Variants in TTLL9 observed in about 807,000 individuals in gnomAD.
The protein encoded by TTLL9 is probable tubulin polyglutamylase TTLL9.
Under a neutral mutation model 65.6 loss-of-function variants are expected in TTLL9, and 47 were observed. The observed-to-expected ratio is 0.72, with a 90% CI of 0.57 to 0.91. The LOEUF (loss-of-function observed/expected upper bound fraction) is 0.91. Among genes scored for constraint, TTLL9 ranks in the 40% least tolerant of loss-of-function variants. The probability of loss-of-function intolerance (pLI) is 0.00; values close to 1 mark genes in which losing one functional copy is unlikely to be tolerated. For missense variants in TTLL9, 537 were observed against 568.8 expected, an observed-to-expected ratio of 0.94 and a Z score of 0.57; for synonymous variants, 179 against 204.8, an observed-to-expected ratio of 0.87 and a Z score of 1.07.
intron 2 of TTLL9, chr20:31,884,079 T>C (rs1405763206): frequency 5.4e-6 from 3 of 552,924 alleles, no homozygotes; most frequent in Non-Finnish European, 9.9e-6. Context: ...GAACTAATCA[T>C]TCAGCAAGGG....
intron 4 of TTLL9, among the ~76,000 whole-genome samples, chr20:31,907,755 T>G (rs752109631): frequency 6.6e-6 from 1 of 150,616 alleles, no homozygotes; most frequent in African/African-American, 2.4e-5. Flanking sequence ...TGCATAGAAA[T>G]GATAACACAC....
intron 4 of TTLL9, among the ~76,000 whole-genome samples, chr20:31,902,444 G>A (rs916538707): frequency 2.0e-5 from 3 of 151,992 alleles, no homozygotes; most frequent in Non-Finnish European, 4.4e-5. Flanking sequence ...CCAGTGGCTC[G>A]ATCTCGGCTC....
chr20:31,933,719 C>T, intron 10 of TTLL9, 81 bp from the exon 11 acceptor site: 2 of 1,337,772 alleles, frequency 1.5e-6, no homozygotes, highest in Admixed American at 2.0e-5. Flanking sequence ...CCCATCAATT[C>T]TCAGTTCAGT....
At chr20:31,889,998 CTTTCTTT>C (rs1254177812) in intron 3 of TTLL9, among the ~76,000 whole-genome samples, 1 of 137,702 alleles carries the variant, frequency 7.3e-6, no homozygotes, top group Admixed American at 7.2e-5. Flanking sequence ...TTCTTTCTTT[CTTTCTTT>C]CTTTCTTTCT....
At chr20:31,880,359 G>T (rs1358013368) in intron 2 of TTLL9, among the ~76,000 whole-genome samples, 1 of 152,128 alleles carries the variant, frequency 6.6e-6, no homozygotes, top group Non-Finnish European at 1.5e-5. Flanking sequence ...TGCCGGCCAA[G>T]GGACACAGGT....
chr20:31,871,008 C>A, intron 1 of TTLL9, 59 bp downstream of exon 1: 1 of 979,062 alleles, frequency 1.0e-6, no homozygotes, highest in Non-Finnish European at 1.6e-6. Flanking sequence ...TACCAACCAG[C>A]CTTCCTCCTT....
chr20:31,937,607 C>T (rs890618327), intron 13 of TTLL9, 98 bp downstream of exon 13: 33 of 925,422 alleles, frequency 3.6e-5, no homozygotes, highest in South Asian at 6.4e-5. Flanking sequence ...CCTGAGTGGC[C>T]CTCAGCGATG....
rs377173832 is a variant in TTLL9 at position 31,908,669 on chromosome 20, T to A, written c.285T>A (p.His95Gln). 2 of 1,613,390 alleles carry A rather than the reference T, an allele frequency of 1.2e-6. No individual in the cohort carries two copies. The highest frequency in any genetic ancestry group is 2.7e-5 in the African/African-American group (2 of 74,860). The change falls in exon 5 of 15, where the codon CAT (histidine) becomes CAA (glutamine). Residue 95 changes from histidine to glutamine, a missense_variant. By Grantham distance (24) the His-to-Gln change is conservative. This residue lies in a region of TTLL9 where 320 missense variants were observed against 311.0 expected (regional missense o/e 1.03). Coordinates refer to ENST00000535842, the MANE Select transcript of TTLL9 (RefSeq NM_001008409.5). The stretch of plus-strand genomic sequence containing the variant: ...TCGACCACACCTACATGGATGAACA[T>A]GTGCGGATCAGTCACTTCCGGAACC... ...ENFDHTYMDE[H>Q]VRISHFRNHY...
intron 11 of TTLL9, chr20:31,934,253 G>A: frequency 2.0e-6 from 1 of 499,952 alleles, no homozygotes; most frequent in South Asian, 1.5e-5. Context: ...CAGAGTCAAG[G>A]GCCAGATCAA....
At chr20:31,914,647 C>T (rs977297727) in intron 6 of TTLL9, among the ~76,000 whole-genome samples, 4 of 152,112 alleles carry the variant, frequency 2.6e-5, no homozygotes. Flanking sequence ...AGAATCAGGC[C>T]TCCAAGGAAG....
intron 3 of TTLL9, among the ~76,000 whole-genome samples, chr20:31,890,628 A>C (rs1442716443): frequency 6.6e-6 from 1 of 152,196 alleles, no homozygotes; most frequent in African/African-American, 2.4e-5. Context: ...AGCTAAGGAG[A>C]GAAACCAGTA....
chr20:31,942,909 TAG>T (rs1568852648), intron 14 of TTLL9, 34 bp from the exon 15 acceptor site: 1 of 1,611,472 alleles, frequency 6.2e-7, no homozygotes, highest in Admixed American at 1.7e-5. Context: ...CTCCCAAGCA[TAG>T]GTCATCCCAG....
At chr20:31,938,446 C>T in intron 13 of TTLL9, among the ~76,000 whole-genome samples, 1 of 152,182 alleles carries the variant, frequency 6.6e-6, no homozygotes, top group Non-Finnish European at 1.5e-5. Context: ...ATCACCTATT[C>T]ATTCAACAAA....
At chr20:31,934,477 C>A in intron 11 of TTLL9, 1 of 681,140 alleles carries the variant, frequency 1.5e-6, no homozygotes, top group Non-Finnish European at 2.7e-6. Context: ...TGGGCAGGGA[C>A]TTCTGGGGTC....
intron 3 of TTLL9, among the ~76,000 whole-genome samples, chr20:31,894,901 C>T (rs116745177): frequency 1.5e-3 from 235 of 152,072 alleles, no homozygotes; most frequent in African/African-American, 4.2e-3. Context: ...CCTTCACTGC[C>T]GTCTTGAGCT....
intron 4 of TTLL9, among the ~76,000 whole-genome samples, chr20:31,899,151 G>A (rs909561190): frequency 6.6e-6 from 1 of 152,230 alleles, no homozygotes; most frequent in African/African-American, 2.4e-5. Flanking sequence ...AAGTTTATCT[G>A]TCTCATTGAA....
intron 10 of TTLL9, among the ~76,000 whole-genome samples, chr20:31,933,429 AATC>A (rs1334025707): frequency 6.6e-6 from 1 of 152,174 alleles, no homozygotes; most frequent in African/African-American, 2.4e-5. Flanking sequence ...AAAAAAAAAA[AATC>A]ATAATATACC....
intron 3 of TTLL9, among the ~76,000 whole-genome samples, chr20:31,895,548 AT>A (rs2063371791): frequency 6.6e-6 from 1 of 151,776 alleles, no homozygotes; most frequent in Non-Finnish European, 1.5e-5. Context: ...TTTACTTTTT[AT>A]TTTTTGAGAT....
At chr20:31,936,806 C>G (rs2064116124) in intron 12 of TTLL9, among the ~76,000 whole-genome samples, 2 of 152,166 alleles carry the variant, frequency 1.3e-5, no homozygotes, top group African/African-American at 4.8e-5. Flanking sequence ...TTTGAGTTAC[C>G]TTTCTTCAAA....
Sources: allele counts gnomAD v4.1 joint callset (sites outside exome capture counted in the v4.1 genomes callset), GRCh38; gene constraint gnomAD v4.1.1; regional missense constraint gnomAD v4.1.1; transcripts MANE v1.5; gene names NCBI Gene and HGNC (gene_info 2026-07-23, HGNC 2026-07-21).